The following KCNH8 variants were observed in gnomAD, a reference collection of about 807,000 sequenced individuals.
KCNH8 encodes the protein voltage-gated delayed rectifier potassium channel KCNH8.
In KCNH8, 70 loss-of-function variants were observed where a neutral mutation model predicts 103.6. The observed-to-expected ratio is 0.68, with a 90% confidence interval of 0.56 to 0.82. The LOEUF is 0.82. Ranked by LOEUF, KCNH8 falls within the 40% of genes least tolerant of loss-of-function variation. KCNH8 has a pLI of 0.00. For missense variants in KCNH8, 1,217 were observed against 1,329.9 expected (o/e 0.92, Z 1.32); for synonymous variants, 498 against 489.4 (o/e 1.02, Z -0.23).
chr3:19,186,968 T>G (rs1291105213), intron 1 of KCNH8, among the ~76,000 whole-genome samples: 1 of 152,092 alleles, frequency 6.6e-6, no homozygotes, highest in Non-Finnish European at 1.5e-5. Flanking sequence ...TCAGCTGTTG[T>G]AGCATGAAAG....
intron 11 of KCNH8, among the ~76,000 whole-genome samples, chr3:19,495,248 T>A (rs769792097): frequency 4.6e-5 from 7 of 152,212 alleles, no homozygotes; most frequent in Non-Finnish European, 1.0e-4. Flanking sequence ...GCTTTTGGCA[T>A]CTTTTTCGTG....
chr3:19,233,585 CATTTATTATAACATTG>C (rs1307819522), intron 1 of KCNH8, among the ~76,000 whole-genome samples: 1 of 152,140 alleles, frequency 6.6e-6, no homozygotes, highest in African/African-American at 2.4e-5. Context: ...TCATTCAAGT[CATTTATTATAACATTG>C]ATGAGAAAAA....
At chr3:19,428,791 T>C (rs1341635563) in intron 7 of KCNH8, among the ~76,000 whole-genome samples, 2 of 152,208 alleles carry the variant, frequency 1.3e-5, no homozygotes, top group African/African-American at 2.4e-5. Context: ...AGATCGCGTA[T>C]GCACTTTTAT....
intron 7 of KCNH8, 37 bp downstream of exon 7, chr3:19,395,348 A>G: frequency 1.4e-6 from 2 of 1,458,840 alleles, no homozygotes; most frequent in Non-Finnish European, 9.6e-7. Context: ...CCATTTTTTA[A>G]TTTAAAAAAA....
intron 3 of KCNH8, among the ~76,000 whole-genome samples, chr3:19,303,381 G>T (rs2065088429): frequency 6.6e-6 from 1 of 152,152 alleles, no homozygotes; most frequent in African/African-American, 2.4e-5. Context: ...AAACAGATGA[G>T]TGTGAATTGA....
At chr3:19,427,380 A>G (rs2067044284) in intron 7 of KCNH8, among the ~76,000 whole-genome samples, 1 of 152,216 alleles carries the variant, frequency 6.6e-6, no homozygotes, top group Non-Finnish European at 1.5e-5. Context: ...TTCTAAACAG[A>G]TAGTTGGTGT....
chr3:19,479,348 C>T lies in KCNH8; in HGVS notation c.2040+22366C>T, dbSNP rs2125212060. Among the ~76,000 whole-genome samples, 2 of 152,194 alleles carry T rather than the reference C, an allele frequency of 1.3e-5. 1 individual carries two copies. The highest frequency in any genetic ancestry group is 6.8e-3 in the Middle Eastern group (2 of 294). On this transcript the variant is annotated intron_variant, in intron 11 of 15. Coordinates refer to ENST00000328405, the MANE Select transcript of KCNH8 (RefSeq NM_144633.3). ...TTAATAGTTAGTCTTGATCTCAAAA[C>T]TCAGGATGAAATTGGAAAATGTTAA...
At chr3:19,442,739 T>C (rs973425382) in intron 8 of KCNH8, among the ~76,000 whole-genome samples, 1 of 152,172 alleles carries the variant, frequency 6.6e-6, no homozygotes, top group Admixed American at 6.5e-5. Flanking sequence ...ATATTTGTGT[T>C]TGTGGGGAAA....
At chr3:19,491,330 C>T (rs2068316153) in intron 11 of KCNH8, among the ~76,000 whole-genome samples, 1 of 152,186 alleles carries the variant, frequency 6.6e-6, no homozygotes, top group Admixed American at 6.5e-5. Context: ...AGGCCCCCTT[C>T]CCCGCTCTCT....
At chr3:19,277,451 C>A (rs1466212968) in intron 2 of KCNH8, among the ~76,000 whole-genome samples, 1 of 152,024 alleles carries the variant, frequency 6.6e-6, no homozygotes, top group African/African-American at 2.4e-5. Flanking sequence ...GTAGTCCTAG[C>A]TACTTGGGAG....
chr3:19,330,783 A>G (rs193175568), intron 3 of KCNH8, among the ~76,000 whole-genome samples: 1 of 152,314 alleles, frequency 6.6e-6, no homozygotes, highest in African/African-American at 2.4e-5. Flanking sequence ...TATTTTTGTA[A>G]GGAGGAAAAT....
chr3:19,526,093 C>T (rs879623258), intron 15 of KCNH8, among the ~76,000 whole-genome samples: 3 of 151,678 alleles, frequency 2.0e-5, no homozygotes, highest in Non-Finnish European at 2.9e-5. Context: ...TTTAATTTAC[C>T]GAATCATAGC....
intron 5 of KCNH8, among the ~76,000 whole-genome samples, chr3:19,364,367 G>A (rs1488240696): frequency 6.6e-6 from 1 of 152,094 alleles, no homozygotes; most frequent in African/African-American, 2.4e-5. Context: ...TCATGGCTCG[G>A]ATTTGACCTT....
rs528077820 is a variant in KCNH8, at chr3:19,234,324, G to A, written c.77-19330G>A. ...TGGGTGGTCCATGGGACTGGGCGCC[G>A]TTGAGCAGGGGGCGCCGCTCGTGGG... On this transcript the variant is annotated intron_variant, in intron 1 of 15. Coordinates refer to ENST00000328405, the MANE Select transcript of KCNH8 (RefSeq NM_144633.3). Among the ~76,000 whole-genome samples, 13 of 152,184 alleles carry A rather than the reference G, an allele frequency of 8.5e-5. 1 individual carries two copies. In the South Asian group the frequency reaches 1.0e-3, roughly 12 times the overall value.
intron 5 of KCNH8, among the ~76,000 whole-genome samples, chr3:19,358,937 A>C (rs1038969271): frequency 6.6e-6 from 1 of 151,924 alleles, no homozygotes; most frequent in African/African-American, 2.4e-5. Context: ...AGGAAATATG[A>C]AATATTACTA....
chr3:19,265,357 C>T (rs914150856), intron 2 of KCNH8, among the ~76,000 whole-genome samples: 1 of 152,230 alleles, frequency 6.6e-6, no homozygotes, highest in East Asian at 1.9e-4. Flanking sequence ...AATTTCAAGA[C>T]AGCACCAGCA....
At chr3:19,170,810 A>ATATAT (rs1553620146) in intron 1 of KCNH8, among the ~76,000 whole-genome samples, 2 of 75,334 alleles carry the variant, frequency 2.7e-5, no homozygotes, top group East Asian at 3.0e-4. Flanking sequence ...ATATATATAT[A>ATATAT]TTTTTTTTTT....
rs989297839 is a variant in KCNH8 at position 19,534,483 on chromosome 3, A to C, written c.*384A>C. The C allele has an allele frequency of 1.8e-5, 4 of 216,604 alleles. No individual in the cohort carries two copies. Among genetic ancestry groups the C allele is most frequent in the African/African-American group, 9.3e-5 (4 of 43,184 alleles). The allele number at this position is 216,604 out of a possible 1,614,324, so 13.4% of individuals were successfully genotyped here. A position where few individuals can be genotyped will look rare whatever the true frequency, so the allele number is the denominator to read the frequency against. ...AGTGCCTGATTGTTATTCCTGAACAATATCCATAGCACTGTTGGCCTCAGG... is the reference window on the plus strand; with the variant it reads ...AGTGCCTGATTGTTATTCCTGAACACTATCCATAGCACTGTTGGCCTCAGG... On this transcript the variant is annotated 3_prime_UTR_variant, in exon 16 of 16. Transcript: ENST00000328405.
chr3:19,487,398 T>C (rs2068232791), intron 11 of KCNH8, among the ~76,000 whole-genome samples: 1 of 152,176 alleles, frequency 6.6e-6, no homozygotes, highest in Non-Finnish European at 1.5e-5. Flanking sequence ...TAGTCCTTTG[T>C]CCCTGGCTTA....
Sources: allele counts gnomAD v4.1 joint callset (sites outside exome capture counted in the v4.1 genomes callset), GRCh38; gene constraint gnomAD v4.1.1; transcripts MANE v1.5; gene names NCBI Gene and HGNC (gene_info 2026-07-23, HGNC 2026-07-21).